The following C18orf63 variants were observed in gnomAD, a reference collection of about 807,000 sequenced individuals.
C18orf63 encodes uncharacterized protein C18orf63.
A neutral mutation model predicts 75.3 loss-of-function variants in C18orf63; 50 were observed. The ratio of observed to expected loss-of-function variants is 0.66; its 90% confidence interval spans 0.53 to 0.84. C18orf63 has a LOEUF of 0.84. C18orf63 is among the 40% of genes least tolerant of loss of function. The pLI is 0.00. For synonymous variants in C18orf63, 232 were observed against 267.6 expected (o/e 0.87, Z 1.30); for missense variants, 732 against 800.2 (o/e 0.91, Z 1.03).
chr18:74,341,072 G>T (rs1356033578), intron 8 of C18orf63, among the ~76,000 whole-genome samples: 8 of 151,644 alleles, frequency 5.3e-5, no homozygotes, highest in Non-Finnish European at 1.0e-4. Flanking sequence ...AGACCATCCC[G>T]GCTAAAACGG....
chr18:74,324,124 A>G (rs1338954408), intron 4 of C18orf63, among the ~76,000 whole-genome samples: 2 of 152,252 alleles, frequency 1.3e-5, no homozygotes, highest in African/African-American at 4.8e-5. Flanking sequence ...TACAATAATC[A>G]TACAGATGCA....
intron 11 of C18orf63, among the ~76,000 whole-genome samples, chr18:74,351,664 T>C (rs577462353): frequency 6.6e-6 from 1 of 152,162 alleles, no homozygotes; most frequent in Non-Finnish European, 1.5e-5. Context: ...ACATAATTAT[T>C]ATTGGTTTTA....
At chr18:74,331,023 G>T in intron 7 of C18orf63, 81 bp downstream of exon 7, 2 of 525,930 alleles carry the variant, frequency 3.8e-6, no homozygotes, top group South Asian at 5.9e-5. Context: ...ACGTGATTAG[G>T]TTTTAATTTT....
At chr18:74,320,293 G>A (rs1984097547) in intron 2 of C18orf63, among the ~76,000 whole-genome samples, 1 of 152,138 alleles carries the variant, frequency 6.6e-6, no homozygotes, top group African/African-American at 2.4e-5. Context: ...ATGGCAGCAA[G>A]AGAGAGAGGT....
At chr18:74,341,549 G>A (rs1984486762) in intron 8 of C18orf63, among the ~76,000 whole-genome samples, 1 of 152,032 alleles carries the variant, frequency 6.6e-6, no homozygotes, top group African/African-American at 2.4e-5. Context: ...GCATAGTGGT[G>A]CACGCTTGTA....
intron 7 of C18orf63, among the ~76,000 whole-genome samples, chr18:74,333,827 A>G (rs1399616537): frequency 6.6e-6 from 1 of 152,168 alleles, no homozygotes; most frequent in Non-Finnish European, 1.5e-5. Context: ...ATGGAAGGAA[A>G]CACCAAAAAT....
chr18:74,332,399 A>G (rs1289420163), intron 7 of C18orf63, among the ~76,000 whole-genome samples: 1 of 152,060 alleles, frequency 6.6e-6, no homozygotes, highest in East Asian at 1.9e-4. Context: ...TCATCACTCA[A>G]TCACCTGTTA....
Position 74,356,785 on chromosome 18 carries a change from T to G in C18orf63, c.*338T>G, listed in dbSNP as rs1302165019. On this transcript the variant is annotated 3_prime_UTR_variant, in exon 14 of 14. Coordinates refer to ENST00000579455, the MANE Select transcript of C18orf63 (RefSeq NM_001174123.2). ...TGAAAATATCTTTATTTTGCCCTTA[T>G]TGAAATTATCAAACCACATAAAGCA... The G allele has an allele frequency of 2.0e-5, 3 of 152,194 alleles. No individual in the cohort carries two copies. The highest frequency in any genetic ancestry group is 4.4e-5 in the Non-Finnish European group (3 of 68,040). The allele number at this position is 152,194 out of a possible 1,614,324, so 9.4% of individuals were successfully genotyped here. A position where few individuals can be genotyped will look rare whatever the true frequency, so the allele number is the denominator to read the frequency against.
intron 4 of C18orf63, among the ~76,000 whole-genome samples, chr18:74,326,002 G>C (rs559471038): frequency 6.6e-6 from 1 of 152,274 alleles, no homozygotes. Flanking sequence ...TTAATTCCTT[G>C]GGCCATAGAG....
chr18:74,331,873 A>G (rs542127745), intron 7 of C18orf63, among the ~76,000 whole-genome samples: 1 of 152,150 alleles, frequency 6.6e-6, no homozygotes, highest in African/African-American at 2.4e-5. Context: ...TCTTATGTGG[A>G]TAAGTAACAA....
intron 8 of C18orf63, among the ~76,000 whole-genome samples, chr18:74,341,461 CA>C (rs940691930): frequency 8.5e-5 from 13 of 152,184 alleles, no homozygotes; most frequent in African/African-American, 3.1e-4. Context: ...GGCAGGCAGT[CA>C]CCTGAGGCCA....
intron 8 of C18orf63, among the ~76,000 whole-genome samples, 157 bp downstream of exon 8, chr18:74,338,981 C>T (rs1347352640): frequency 6.6e-6 from 1 of 151,746 alleles, no homozygotes; most frequent in African/African-American, 2.4e-5. Flanking sequence ...ACAATATTGT[C>T]ATATTTACAA....
At position 74,357,537 on chromosome 18, in the gene C18orf63, C is replaced by A. The variant is rs1334527277; in HGVS notation, c.*1090C>A. On this transcript the variant is annotated 3_prime_UTR_variant, in exon 14 of 14. Coordinates refer to ENST00000579455, the MANE Select transcript of C18orf63 (RefSeq NM_001174123.2). The stretch of plus-strand genomic sequence containing the variant: ...TAATATATTTAAAAGAAACCAAAAT[C>A]TTCATTGGCTATTCCACTGAAACAA... 1 of 152,158 alleles carries A rather than the reference C, an allele frequency of 6.6e-6. No individual in the cohort carries two copies. Among genetic ancestry groups the A allele is most frequent in the East Asian group, 1.9e-4 (1 of 5,208 alleles). The allele number at this position is 152,158 out of a possible 1,614,324, so 9.4% of individuals were successfully genotyped here. A position where few individuals can be genotyped will look rare whatever the true frequency, so the allele number is the denominator to read the frequency against.
intron 7 of C18orf63, among the ~76,000 whole-genome samples, chr18:74,336,285 A>T (rs1825118298): frequency 6.6e-6 from 1 of 151,982 alleles, no homozygotes; most frequent in Admixed American, 6.6e-5. Flanking sequence ...CAGAAATAGA[A>T]ACCTAATATA....
chr18:74,354,632 AAGC>A (rs1438678034), intron 13 of C18orf63, 86 bp downstream of exon 13: 14 of 620,672 alleles, frequency 2.3e-5, no homozygotes, highest in Non-Finnish European at 3.9e-5. Flanking sequence ...TCTTGGTAAA[AAGC>A]AGCTACTTTT....
At position 74,353,893 on chromosome 18, in the gene C18orf63, A is replaced by T; in HGVS notation, c.1626A>T (p.Leu542=). ...TGAGTTTAAACAAAAATAAGCAACT[A>T]TCTAATAGTGCAGTATTTGTGGTGT... is the stretch of plus-strand genomic sequence containing the variant. ...STVSLNKNKQ[L]SNSAVFVVSN... is the part of the protein sequence containing the mutation. The change falls in exon 12 of 14, where the codon CTA becomes CTT. Residue 542 remains leucine (L), a synonymous_variant. Transcript: ENST00000579455. 6.5e-7 allele frequency: 1 copy of T among 1,536,070 alleles called. No individual in the cohort carries two copies. The highest frequency in any genetic ancestry group is 1.7e-4 in the Middle Eastern group (1 of 5,990).
In C18orf63 at chr18:74,342,321, C is replaced by G; in HGVS notation, c.789C>G (p.Thr263=). 1 of 1,516,486 alleles carries G rather than the reference C, an allele frequency of 6.6e-7. No individual in the cohort carries two copies. Among genetic ancestry groups the G allele is most frequent in the Non-Finnish European group, 8.8e-7 (1 of 1,130,722 alleles). The allele number at this position is 1,516,486 out of a possible 1,614,324, so 93.9% of individuals were successfully genotyped here. The change falls in exon 10 of 14, where the codon ACC becomes ACG. Residue 263 remains threonine (T), a synonymous_variant. Transcript: ENST00000579455. ...NIYFKMLGER[T]FTYPLSCIRS... ...ATTTCAAAATGCTCGGAGAAAGGAC[C>G]TTCACATATCCTTTACACACCAACT...
intron 11 of C18orf63, 54 bp downstream of exon 11, chr18:74,343,756 TAC>T: frequency 8.4e-7 from 1 of 1,189,168 alleles, no homozygotes; most frequent in Non-Finnish European, 1.1e-6. Flanking sequence ...CCATCTATTT[TAC>T]TTGAATCTCT....
chr18:74,320,636 C>T (rs1307660074), intron 3 of C18orf63, 45 bp downstream of exon 3: 5 of 1,115,796 alleles, frequency 4.5e-6, no homozygotes, highest in Non-Finnish European at 5.1e-6. Context: ...TAGTTGAGAA[C>T]AATATTGATA....
Sources: allele counts gnomAD v4.1 joint callset (sites outside exome capture counted in the v4.1 genomes callset), GRCh38; gene constraint gnomAD v4.1.1; transcripts MANE v1.5; gene names NCBI Gene and HGNC (gene_info 2026-07-23, HGNC 2026-07-21).